Variants in NCOR1 observed in about 807,000 individuals in gnomAD.
NCOR1 encodes protein phosphatase 1, regulatory subunit 109.
A neutral mutation model predicts 288.1 loss-of-function variants in NCOR1; 63 were observed. That is an observed-to-expected ratio of 0.22 (90% CI 0.18 to 0.27). The LOEUF (loss-of-function observed/expected upper bound fraction) is 0.27, where lower values mean the gene tolerates loss of function less well. NCOR1 is among the 10% of genes least tolerant of loss of function. NCOR1 has a pLI of 1.00. For synonymous variants in NCOR1, 1,007 were observed against 1,065.9 expected (o/e 0.94, Z 1.08); for missense variants, 2,397 against 3,019.2 (o/e 0.79, Z 4.83).
At chr17:16,141,620 CACAAAG>C (rs1473045687) in intron 11 of NCOR1, among the ~76,000 whole-genome samples, 1 of 152,108 alleles carries the variant, frequency 6.6e-6, no homozygotes, top group Non-Finnish European at 1.5e-5. Context: ...CATATATCAA[CACAAAG>C]ACAAACTCTG....
chr17:16,154,193 C>CT (rs2079337285), intron 6 of NCOR1, among the ~76,000 whole-genome samples: 1 of 151,566 alleles, frequency 6.6e-6, no homozygotes. Flanking sequence ...CACCCAGTTG[C>CT]TATTTTCAAA....
intron 40 of NCOR1, among the ~76,000 whole-genome samples, chr17:16,049,936 G>A (rs1597856177): frequency 6.6e-6 from 1 of 152,128 alleles, no homozygotes; most frequent in Admixed American, 6.5e-5. Flanking sequence ...CGTTGCCCAG[G>A]CAGGAGTACA....
intron 1 of NCOR1, among the ~76,000 whole-genome samples, chr17:16,199,457 T>C (rs2090460946): frequency 6.6e-6 from 1 of 152,094 alleles, no homozygotes. Flanking sequence ...GTACAAAAGA[T>C]ACAATGGAGA....
chr17:16,145,241 G>A (rs2077715415), intron 10 of NCOR1, among the ~76,000 whole-genome samples: 1 of 152,180 alleles, frequency 6.6e-6, no homozygotes, highest in African/African-American at 2.4e-5. Context: ...CGTGATCTAG[G>A]CTTGCTACAA....
intron 10 of NCOR1, among the ~76,000 whole-genome samples, chr17:16,145,516 G>A (rs1234861044): frequency 2.7e-5 from 4 of 146,772 alleles, no homozygotes; most frequent in African/African-American, 4.9e-5. Flanking sequence ...CCACGACCCC[G>A]TCTGGGAACT....
At chr17:16,158,948 C>T in intron 5 of NCOR1, 75 bp from the exon 6 acceptor site, 1 of 977,650 alleles carries the variant, frequency 1.0e-6, no homozygotes, top group South Asian at 1.5e-5. Context: ...CTGGAGATAA[C>T]ACAGGCTACT....
intron 19 of NCOR1, among the ~76,000 whole-genome samples, chr17:16,101,978 G>T (rs2067702588): frequency 6.6e-6 from 1 of 152,116 alleles, no homozygotes; most frequent in Non-Finnish European, 1.5e-5. Flanking sequence ...AAAAGTGAAA[G>T]ATCAAATTAT....
intron 32 of NCOR1, among the ~76,000 whole-genome samples, chr17:16,066,650 G>C (rs973670637): frequency 5.3e-5 from 8 of 152,100 alleles, no homozygotes; most frequent in African/African-American, 1.9e-4. Flanking sequence ...CCTTCATCTA[G>C]AAGCTAGGTA....
intron 1 of NCOR1, among the ~76,000 whole-genome samples, chr17:16,202,946 C>A (rs2091023320): frequency 6.6e-6 from 1 of 152,214 alleles, no homozygotes; most frequent in South Asian, 2.1e-4. Context: ...AGGTAAAGAT[C>A]AGCTCTGTTC....
At chr17:16,058,375 A>G (rs187621051) in intron 38 of NCOR1, 96 bp downstream of exon 38, 4 of 1,454,602 alleles carry the variant, frequency 2.7e-6, no homozygotes, top group Admixed American at 4.5e-5. Context: ...AAACAAACAA[A>G]ACAAGTTAAT....
intron 1 of NCOR1, among the ~76,000 whole-genome samples, chr17:16,208,081 G>A (rs75340982): frequency 0.043 from 5,227 of 120,472 alleles, 106 homozygotes; most frequent in East Asian, 0.079. Flanking sequence ...TCGCTCTGTC[G>A]CTAGGCTGGA....
intron 3 of NCOR1, among the ~76,000 whole-genome samples, chr17:16,178,957 A>T (rs1224953976): frequency 1.1e-5 from 1 of 94,958 alleles, no homozygotes; most frequent in African/African-American, 5.0e-5. Flanking sequence ...CTACAAAAAA[A>T]GTTATTTTTT....
intron 14 of NCOR1, among the ~76,000 whole-genome samples, chr17:16,127,711 GTGTA>G (rs1269776081): frequency 3.8e-4 from 51 of 133,370 alleles, no homozygotes; most frequent in Admixed American, 1.8e-3. Context: ...ATATATGTGT[GTGTA>G]TATATACATA....
intron 5 of NCOR1, among the ~76,000 whole-genome samples, chr17:16,159,413 C>CAAAAAAAA (rs35243097): frequency 1.5e-5 from 1 of 66,320 alleles, no homozygotes; most frequent in African/African-American, 6.0e-5. Context: ...AACTCTATCT[C>CAAAAAAAA]AAAAAAAAAA....
chr17:16,073,889 T>C (rs939298435), intron 27 of NCOR1, among the ~76,000 whole-genome samples: 34 of 152,206 alleles, frequency 2.2e-4, no homozygotes, highest in African/African-American at 8.0e-4. Flanking sequence ...TATAATGTGC[T>C]ATGAAAATGC....
intron 5 of NCOR1, among the ~76,000 whole-genome samples, chr17:16,159,682 C>T (rs902837572): frequency 1.3e-5 from 2 of 152,002 alleles, no homozygotes; most frequent in Non-Finnish European, 1.5e-5. Flanking sequence ...TACAGTGCTC[C>T]GGTCAAAGGG....
chr17:16,058,239 C>A, intron 38 of NCOR1, 175 bp from the exon 39 acceptor site: 1 of 861,744 alleles, frequency 1.2e-6, no homozygotes, highest in South Asian at 2.3e-5. Context: ...AGTCTGAGGA[C>A]TAGTGGAACA....
At chr17:16,126,258 C>A (rs2153191150) in intron 14 of NCOR1, 52 bp from the exon 15 acceptor site, 1 of 1,467,664 alleles carries the variant, frequency 6.8e-7, no homozygotes, top group Non-Finnish European at 9.0e-7. Flanking sequence ...AGAAATAGCT[C>A]CTTATAGTGT....
intron 2 of NCOR1, among the ~76,000 whole-genome samples, chr17:16,188,515 GC>G (rs971833049): frequency 1.3e-5 from 2 of 151,838 alleles, no homozygotes; most frequent in African/African-American, 4.8e-5. Context: ...GGAGGCTGAG[GC>G]AGGAGAATCA....
Sources: allele counts gnomAD v4.1 joint callset (sites outside exome capture counted in the v4.1 genomes callset), GRCh38; gene constraint gnomAD v4.1.1; transcripts MANE v1.5; gene names NCBI Gene and HGNC (gene_info 2026-07-23, HGNC 2026-07-21).